The following TGFBR3 variants were observed in gnomAD, a reference collection of about 807,000 sequenced individuals.
TGFBR3 encodes transforming growth factor beta receptor type 3.
A neutral mutation model predicts 87.9 loss-of-function variants in TGFBR3; 46 were observed. That is an observed-to-expected ratio of 0.52 (90% CI 0.41 to 0.67). The LOEUF is 0.67. Ranked by LOEUF, TGFBR3 falls within the 30% of genes least tolerant of loss-of-function variation. TGFBR3 has a pLI of 0.00. For missense variants in TGFBR3, 866 were observed against 1,041.9 expected, an observed-to-expected ratio of 0.83 and a Z score of 2.32; for synonymous variants, 381 against 391.6, an observed-to-expected ratio of 0.97 and a Z score of 0.32.
At chr1:91,818,305 T>C (rs111230367) in intron 2 of TGFBR3, among the ~76,000 whole-genome samples, 1 of 22,214 alleles carries the variant, frequency 4.5e-5, no homozygotes, top group East Asian at 2.4e-3. Context: ...TTTTTTTTTT[T>C]TTTTTTTTTT....
chr1:91,896,664 A>G (rs577377401), intron 2 of TGFBR3, among the ~76,000 whole-genome samples: 12 of 152,240 alleles, frequency 7.9e-5, no homozygotes, highest in Middle Eastern at 3.2e-3. Flanking sequence ...AGAAAGAGTC[A>G]GATACAGGAG....
At chr1:91,727,867 C>G (rs1672603727) in intron 6 of TGFBR3, 61 bp from the exon 7 acceptor site, 25 of 1,588,680 alleles carry the variant, frequency 1.6e-5, no homozygotes, top group Non-Finnish European at 2.1e-5. Context: ...CAACTATCTC[C>G]CCTCTTCCAA....
At chr1:91,852,390 G>A (rs1677771851) in intron 2 of TGFBR3, among the ~76,000 whole-genome samples, 1 of 152,210 alleles carries the variant, frequency 6.6e-6, no homozygotes, top group African/African-American at 2.4e-5. Context: ...GTGTGTGTAT[G>A]TGTGTGTGTG....
intron 1 of TGFBR3, among the ~76,000 whole-genome samples, chr1:91,868,859 C>T (rs1239525317): frequency 6.6e-6 from 1 of 152,172 alleles, no homozygotes; most frequent in Non-Finnish European, 1.5e-5. Flanking sequence ...TGGTTTAGAG[C>T]CCAGGCATGT....
chr1:91,801,099 A>AAG (rs374344523), intron 2 of TGFBR3: 4,690 of 174,550 alleles, frequency 0.027, 150 homozygotes, highest in Middle Eastern at 0.07. Context: ...AAAAAAAAAA[A>AAG]AGAGAGAGAG....
At chr1:91,813,356 C>T (rs536627493) in intron 2 of TGFBR3, among the ~76,000 whole-genome samples, 6 of 152,136 alleles carry the variant, frequency 3.9e-5, no homozygotes, top group Non-Finnish European at 7.3e-5. Context: ...GGGCTTCAAG[C>T]TTTTCAGAAG....
rs1381356011 is a variant in TGFBR3, at chr1:91,681,916, G to GA, written c.*1822dup. On this transcript the variant is annotated 3_prime_UTR_variant, in exon 17 of 17. Coordinates refer to ENST00000212355, the MANE Select transcript of TGFBR3 (RefSeq NM_003243.5). ...CCCTTCTGTTAAAAAAAAATTAAAG[G>GA]AAAAAAATTCTCTAAACTCATGTCT... The GA allele has an allele frequency of 3.1e-5, 14 of 448,160 alleles. No homozygotes were observed. Among genetic ancestry groups the GA allele is most frequent in the Admixed American group, 2.7e-4 (11 of 41,434 alleles). The allele number at this position is 448,160 out of a possible 1,614,324, so 27.8% of individuals were successfully genotyped here.
At chr1:91,769,991 A>G (rs1188228295) in intron 3 of TGFBR3, among the ~76,000 whole-genome samples, 1 of 152,184 alleles carries the variant, frequency 6.6e-6, no homozygotes, top group Non-Finnish European at 1.5e-5. Flanking sequence ...TGTTGTGCTG[A>G]TTTCAAGACA....
intron 6 of TGFBR3, among the ~76,000 whole-genome samples, chr1:91,729,181 A>C (rs1415375294): frequency 6.8e-6 from 1 of 148,024 alleles, no homozygotes; most frequent in Admixed American, 6.7e-5. Context: ...ACACACACAC[A>C]CACACACACA....
At chr1:91,719,517 G>A in intron 9 of TGFBR3, 53 bp from the exon 10 acceptor site, 1 of 1,608,738 alleles carries the variant, frequency 6.2e-7, no homozygotes, top group South Asian at 1.1e-5. Flanking sequence ...CAGTTCTGTT[G>A]TATAATTGAC....
chr1:91,748,290 C>T (rs982435123), intron 4 of TGFBR3, among the ~76,000 whole-genome samples: 1 of 152,150 alleles, frequency 6.6e-6, no homozygotes, highest in East Asian at 1.9e-4. Flanking sequence ...TAGGTCAAAG[C>T]AAAGAAGGTT....
At chr1:91,778,149 T>C (rs977265390) in intron 3 of TGFBR3, among the ~76,000 whole-genome samples, 7 of 147,542 alleles carry the variant, frequency 4.7e-5, no homozygotes, top group Admixed American at 4.7e-4. Context: ...AAATCCTACT[T>C]AATCTAGGTT....
At chr1:91,780,347 G>C (rs1328553659) in intron 3 of TGFBR3, among the ~76,000 whole-genome samples, 1 of 152,036 alleles carries the variant, frequency 6.6e-6, no homozygotes, top group East Asian at 1.9e-4. Flanking sequence ...CTGTAACCCT[G>C]GTAATCTGGT....
Position 91,716,688 on chromosome 1 carries a change from G to A in TGFBR3, c.1587C>T (p.Ala529=). 3 of 1,613,954 alleles carry A rather than the reference G, an allele frequency of 1.9e-6. No homozygotes were observed. Among genetic ancestry groups the A allele is most frequent in the Non-Finnish European group, 2.5e-6 (3 of 1,180,000 alleles). ...CTGGCCAACCACTACTGTCCCCAAG[G>A]GCTGGAACCTGTATCACAATCTAAA... ...YYNSIVIQVP[A]LGDSSGWPDG... The change falls in exon 11 of 17, where the codon GCC becomes GCT. Residue 529 remains alanine, a synonymous_variant. Coordinates refer to ENST00000212355, the MANE Select transcript of TGFBR3 (RefSeq NM_003243.5).
chr1:91,719,780 T>C, intron 9 of TGFBR3, 113 bp downstream of exon 9: 1 of 1,219,444 alleles, frequency 8.2e-7, no homozygotes, highest in Non-Finnish European at 1.2e-6. Flanking sequence ...GAAAACAGTA[T>C]CAAGCCTCCG....
intron 4 of TGFBR3, among the ~76,000 whole-genome samples, chr1:91,735,354 C>T (rs555213567): frequency 6.6e-6 from 1 of 152,208 alleles, no homozygotes; most frequent in Non-Finnish European, 1.5e-5. Context: ...AGGATCAAGA[C>T]AAGTGATCCC....
chr1:91,738,123 G>GC (rs1673025076), intron 4 of TGFBR3, among the ~76,000 whole-genome samples: 1 of 152,206 alleles, frequency 6.6e-6, no homozygotes, highest in African/African-American at 2.4e-5. Flanking sequence ...TGCTACAGCA[G>GC]CCTACAGGCC....
At chr1:91,800,326 GTATA>G (rs149117181) in intron 2 of TGFBR3, among the ~76,000 whole-genome samples, 47 of 137,010 alleles carry the variant, frequency 3.4e-4, no homozygotes, top group African/African-American at 5.7e-4. Flanking sequence ...ATATATATGT[GTATA>G]TGTGTGTGTG....
chr1:91,749,991 C>G (rs568227800), intron 4 of TGFBR3, among the ~76,000 whole-genome samples: 1 of 152,262 alleles, frequency 6.6e-6, no homozygotes, highest in East Asian at 1.9e-4. Flanking sequence ...GACAATAAAG[C>G]CTTAAAAGAC....
Sources: allele counts gnomAD v4.1 joint callset (sites outside exome capture counted in the v4.1 genomes callset), GRCh38; gene constraint gnomAD v4.1.1; transcripts MANE v1.5; gene names NCBI Gene and HGNC (gene_info 2026-07-23, HGNC 2026-07-21).